The following ROR2 variants were observed in gnomAD, a reference collection of about 807,000 sequenced individuals.
ROR2 encodes ROR family WNT receptor 2, also known as tyrosine-protein kinase transmembrane receptor ROR2.
Under a neutral mutation model 74.9 loss-of-function variants are expected in ROR2, and 33 were observed. The ratio of observed to expected loss-of-function variants is 0.44; its 90% CI spans 0.33 to 0.59. ROR2 has a LOEUF of 0.59. Among genes scored for constraint, ROR2 ranks in the 20% least tolerant of loss-of-function variants. ROR2 has a pLI of 0.02. For synonymous variants in ROR2, 586 were observed against 558.7 expected, an observed-to-expected ratio of 1.05 and a Z score of -0.69; for missense variants, 1,216 against 1,313.8, an observed-to-expected ratio of 0.93 and a Z score of 1.15.
Position 91,731,143 on chromosome 9 carries a change from T to C in ROR2, c.950A>G (p.Tyr317Cys), listed in dbSNP as rs756479236. ...TCTGTAATCCATGCCTGAGCCGTTA[T>C]AGCACTGATGGTCTGAACAAGGAAA... The part of the protein sequence containing the change: ...AERLGRYHQC[Y>C]NGSGMDYRGT... Residue 317 changes from tyrosine to cysteine, a missense_variant, in exon 7 of 9, where the codon TAT (tyrosine) becomes TGT (cysteine). Transcript: ENST00000375708. 2.5e-6 allele frequency: 4 copies of C among 1,614,004 alleles called. No homozygotes were observed. The highest frequency in any genetic ancestry group is 1.1e-5 in the South Asian group (1 of 91,086).
intron 1 of ROR2, among the ~76,000 whole-genome samples, chr9:91,793,877 AAG>A (rs745525751): frequency 1.4e-4 from 22 of 152,242 alleles, no homozygotes; most frequent in Non-Finnish European, 2.5e-4. Flanking sequence ...TGGGATAGGA[AAG>A]AGAGTTCATG....
intron 2 of ROR2, among the ~76,000 whole-genome samples, chr9:91,767,367 C>G (rs963117186): frequency 6.6e-6 from 1 of 152,198 alleles, no homozygotes; most frequent in Non-Finnish European, 1.5e-5. Flanking sequence ...GCCACCATGT[C>G]CAGCCGACTT....
intron 1 of ROR2, among the ~76,000 whole-genome samples, chr9:91,929,329 C>T (rs931974599): frequency 1.3e-5 from 2 of 152,176 alleles, no homozygotes; most frequent in Non-Finnish European, 2.9e-5. Flanking sequence ...CTTTGCAAAA[C>T]GTTACCGCAG....
intron 2 of ROR2, among the ~76,000 whole-genome samples, chr9:91,762,102 C>A (rs886513824): frequency 2.6e-5 from 4 of 152,086 alleles, no homozygotes; most frequent in Non-Finnish European, 5.9e-5. Context: ...ACATTAGGGA[C>A]CCCCTCTTTC....
intron 4 of ROR2, among the ~76,000 whole-genome samples, chr9:91,748,651 A>G: frequency 6.6e-6 from 1 of 152,244 alleles, no homozygotes; most frequent in Admixed American, 6.5e-5. Flanking sequence ...GATTATCAGT[A>G]TCATTAGCAG....
chr9:91,935,583 T>G (rs1430830951), intron 1 of ROR2, among the ~76,000 whole-genome samples: 1 of 152,194 alleles, frequency 6.6e-6, no homozygotes, highest in African/African-American at 2.4e-5. Flanking sequence ...TTTGTTGGCT[T>G]TTTTGTTTTT....
chr9:91,799,175 C>T (rs1827293168), intron 1 of ROR2, among the ~76,000 whole-genome samples: 1 of 152,150 alleles, frequency 6.6e-6, no homozygotes, highest in African/African-American at 2.4e-5. Context: ...CTCTCCCCAC[C>T]CTCTGGAAGG....
At chr9:91,922,091 A>AAACAACAGCAAC (rs566769890) in intron 1 of ROR2, among the ~76,000 whole-genome samples, 40 of 142,468 alleles carry the variant, frequency 2.8e-4, no homozygotes, top group African/African-American at 1.0e-3. Flanking sequence ...CCAAAAAACC[A>AAACAACAGCAAC]AACAACAGCA....
At chr9:91,896,270 A>G (rs1001720224) in intron 1 of ROR2, among the ~76,000 whole-genome samples, 1 of 152,164 alleles carries the variant, frequency 6.6e-6, no homozygotes, top group South Asian at 2.1e-4. Flanking sequence ...TCCACTGGGT[A>G]TATTTGTAGC....
rs559436651 is a variant in ROR2, at chr9:91,812,536, G to A, written c.98-36718C>T. Among the ~76,000 whole-genome samples, 23 of 149,772 alleles carry A rather than the reference G, an allele frequency of 1.5e-4. No individual in the cohort carries two copies. In the South Asian group the frequency reaches 3.2e-3, roughly 21 times the overall value. On this transcript the variant is annotated intron_variant, in intron 1 of 8. Transcript: ENST00000375708. ...GCACCTCTGAGGGTCAGGCACACAC[G>A]TGTGTGTGGCCTGTCCTCCCCGCCC...
Position 91,723,995 on chromosome 9 carries a change from G to A in ROR2, c.2499C>T (p.Tyr833=). ...GYQPVPAYGA[Y]LPNFYPVQIP... is the part of the protein sequence containing the mutation. ...TCTGCACCGGGTAGAAGTTGGGCAG[G>A]TAGGCCCCATAGGCCGGCACCGGCT... is the stretch of plus-strand genomic sequence containing the variant. The change falls in exon 9 of 9, where the codon TAC becomes TAT. Residue 833 remains tyrosine, a synonymous_variant. Transcript: ENST00000375708. The A allele has an allele frequency of 6.2e-7, 1 of 1,612,846 alleles. No individual in the cohort carries two copies. The highest frequency in any genetic ancestry group is 8.5e-7 in the Non-Finnish European group (1 of 1,180,028).
At chr9:91,846,714 G>A (rs796646272) in intron 1 of ROR2, among the ~76,000 whole-genome samples, 7 of 152,228 alleles carry the variant, frequency 4.6e-5, no homozygotes, top group African/African-American at 1.4e-4. Flanking sequence ...CCCCTGATAA[G>A]CACCCTCTGC....
chr9:91,876,096 G>A (rs184382706), intron 1 of ROR2, among the ~76,000 whole-genome samples: 4 of 151,888 alleles, frequency 2.6e-5, no homozygotes, highest in Non-Finnish European at 2.9e-5. Flanking sequence ...AATAAGGCCA[G>A]ATGCAGTGGC....
chr9:91,924,411 C>G (rs979472447), intron 1 of ROR2, among the ~76,000 whole-genome samples: 1 of 152,264 alleles, frequency 6.6e-6, no homozygotes, highest in African/African-American at 2.4e-5. Context: ...CTGCGTCCTC[C>G]TGTCCCAGGC....
chr9:91,789,964 A>C (rs765757395), intron 1 of ROR2, among the ~76,000 whole-genome samples: 1 of 152,214 alleles, frequency 6.6e-6, no homozygotes, highest in African/African-American at 2.4e-5. Context: ...AAACACAAAT[A>C]GGTTTAAAAG....
At chr9:91,863,293 T>G (rs1196333256) in intron 1 of ROR2, among the ~76,000 whole-genome samples, 1 of 152,182 alleles carries the variant, frequency 6.6e-6, no homozygotes, top group African/African-American at 2.4e-5. Flanking sequence ...CCCGAAGTGC[T>G]AGGATTGCAG....
intron 1 of ROR2, among the ~76,000 whole-genome samples, chr9:91,786,627 G>A (rs10992107): frequency 0.09 from 13,671 of 152,130 alleles, 920 homozygotes; most frequent in East Asian, 0.29. Context: ...GACTCCACTT[G>A]TGGAGCTCTG....
At chr9:91,843,683 G>C (rs1010681483) in intron 1 of ROR2, among the ~76,000 whole-genome samples, 8 of 152,240 alleles carry the variant, frequency 5.3e-5, no homozygotes, top group Non-Finnish European at 1.0e-4. Flanking sequence ...GATGTCTGCA[G>C]GTGATAAATC....
At chr9:91,725,195 T>C in intron 8 of ROR2, 88 bp from the exon 9 acceptor site, 1 of 1,599,912 alleles carries the variant, frequency 6.3e-7, no homozygotes, top group Non-Finnish European at 8.5e-7. Flanking sequence ...GTGGAGTCCC[T>C]GTGCGGCCAC....
Sources: gnomAD v4.1 joint callset for allele counts (sites outside exome capture counted in the v4.1 genomes callset) on GRCh38, gnomAD v4.1.1 for gene constraint, MANE v1.5 for transcripts, NCBI Gene and HGNC (gene_info 2026-07-23, HGNC 2026-07-21) for gene names.